SPATS2L: variants seen among roughly 807,000 people sequenced by gnomAD.
SPATS2L encodes the protein spermatogenesis associated serine rich 2 like.
Under a neutral mutation model 59.6 loss-of-function variants are expected in SPATS2L, and 30 were observed. That is an observed-to-expected ratio of 0.50 (90% CI 0.38 to 0.68). SPATS2L has a LOEUF of 0.68. Ranked by LOEUF, SPATS2L falls within the 30% of genes least tolerant of loss-of-function variation. The pLI is 0.00. For synonymous variants in SPATS2L, 252 were observed against 263.5 expected, an observed-to-expected ratio of 0.96 and a Z score of 0.42; for missense variants, 615 against 700.0, an observed-to-expected ratio of 0.88 and a Z score of 1.37.
At chr2:200,378,549 G>A (rs1309614613) in intron 2 of SPATS2L, among the ~76,000 whole-genome samples, 1 of 152,122 alleles carries the variant, frequency 6.6e-6, no homozygotes, top group Non-Finnish European at 1.5e-5. Context: ...TACTGTTTTT[G>A]TTCCGCCAGT....
chr2:200,475,501 C>G (rs2087445500), intron 12 of SPATS2L, among the ~76,000 whole-genome samples: 1 of 152,168 alleles, frequency 6.6e-6, no homozygotes, highest in South Asian at 2.1e-4. Flanking sequence ...AGATAAAAGA[C>G]AGATGGTTGT....
chr2:200,334,970 G>A (rs1263626677), intron 2 of SPATS2L, among the ~76,000 whole-genome samples: 1 of 152,090 alleles, frequency 6.6e-6, no homozygotes, highest in South Asian at 2.1e-4. Flanking sequence ...TTGTTCTTTT[G>A]GCTTAGGATT....
Position 200,480,120 on chromosome 2 carries a change from T to C in SPATS2L, c.*2089T>C, listed in dbSNP as rs2106265909. On this transcript the variant is annotated 3_prime_UTR_variant, in exon 13 of 13. Transcript: ENST00000409140. Reference sequence around the variant, plus strand: ...CCGCTTTAAAGATGAGTCAAGTAATTCTTGGAACAGGGAAAAAAATGAATT... The same window carrying C: ...CCGCTTTAAAGATGAGTCAAGTAATCCTTGGAACAGGGAAAAAAATGAATT... 1 of 170,666 alleles carries C rather than the reference T, an allele frequency of 5.9e-6. No homozygotes were observed. The highest frequency in any genetic ancestry group is 1.5e-4 in the East Asian group (1 of 6,524). The allele number at this position is 170,666 out of a possible 1,614,324, so 10.6% of individuals were successfully genotyped here. A position where few individuals can be genotyped will look rare whatever the true frequency, so the allele number is the denominator to read the frequency against.
intron 2 of SPATS2L, among the ~76,000 whole-genome samples, chr2:200,351,949 T>C: frequency 6.6e-6 from 1 of 152,154 alleles, no homozygotes; most frequent in East Asian, 1.9e-4. Context: ...TGCCTTTTAA[T>C]GGATTCTAAG....
intron 2 of SPATS2L, among the ~76,000 whole-genome samples, chr2:200,344,011 A>C (rs2080421527): frequency 6.6e-6 from 1 of 152,042 alleles, no homozygotes; most frequent in South Asian, 2.1e-4. Flanking sequence ...CTGCTTTCAT[A>C]ATAAGCAGAA....
At chr2:200,450,750 G>C (rs1440882039) in intron 8 of SPATS2L, among the ~76,000 whole-genome samples, 1 of 152,124 alleles carries the variant, frequency 6.6e-6, no homozygotes, top group African/African-American at 2.4e-5. Context: ...CTTCTAGAAA[G>C]ACTGAGGGAT....
In SPATS2L at chr2:200,479,679, T is replaced by A; in HGVS notation, c.*1648T>A. 1 of 398,674 alleles carries A rather than the reference T, an allele frequency of 2.5e-6. No individual in the cohort carries two copies. Among genetic ancestry groups the A allele is most frequent in the African/African-American group, 2.1e-5 (1 of 48,774 alleles). The allele number at this position is 398,674 out of a possible 1,614,324, so 24.7% of individuals were successfully genotyped here. On this transcript the variant is annotated 3_prime_UTR_variant, in exon 13 of 13. Coordinates refer to ENST00000409140, the MANE Select transcript of SPATS2L (RefSeq NM_001100423.2). The stretch of plus-strand genomic sequence containing the variant: ...GCACTCACATGTCCTACATATCTGT[T>A]GACTACTCACAAGTGCAAATGCTTA...
chr2:200,358,819 T>C (rs2081002908), intron 2 of SPATS2L, among the ~76,000 whole-genome samples: 1 of 151,968 alleles, frequency 6.6e-6, no homozygotes, highest in Non-Finnish European at 1.5e-5. Context: ...CCCATCTCTA[T>C]CTAAAAACAA....
upstream of SPATS2L, chr2:200,306,103 G>T (rs923367740): frequency 4.1e-5 from 40 of 986,138 alleles, no homozygotes; most frequent in Non-Finnish European, 4.1e-5. Flanking sequence ...CCCCGGGTTG[G>T]TCGGGTTTCC....
intron 2 of SPATS2L, among the ~76,000 whole-genome samples, chr2:200,349,546 G>A (rs2080646105): frequency 6.6e-6 from 1 of 152,228 alleles, no homozygotes; most frequent in Non-Finnish European, 1.5e-5. Flanking sequence ...TCTGAGGCAT[G>A]AGAATCCCTT....
intron 2 of SPATS2L, among the ~76,000 whole-genome samples, chr2:200,361,422 C>T (rs937790718): frequency 6.6e-5 from 10 of 152,114 alleles, no homozygotes; most frequent in Non-Finnish European, 1.5e-5. Context: ...GGGCAGAATT[C>T]TAATATGACA....
chr2:200,323,644 A>G (rs2079636388), intron 1 of SPATS2L, among the ~76,000 whole-genome samples: 1 of 152,128 alleles, frequency 6.6e-6, no homozygotes, highest in Non-Finnish European at 1.5e-5. Flanking sequence ...GCTCACACCC[A>G]GGGCATATTC....
chr2:200,330,833 A>G (rs1456358613), intron 2 of SPATS2L, among the ~76,000 whole-genome samples: 1 of 152,222 alleles, frequency 6.6e-6, no homozygotes, highest in Non-Finnish European at 1.5e-5. Flanking sequence ...GGTGGAAAGC[A>G]GGAATGTTTT....
In SPATS2L at chr2:200,327,149, A is replaced by G. The variant is rs535283310; in HGVS notation, c.-72-2282A>G. Among the ~76,000 whole-genome samples, 5 of 151,608 alleles carry G rather than the reference A, an allele frequency of 3.3e-5. No homozygotes were observed. The South Asian group carries it at 1.0e-3, about 32-fold the overall frequency. On this transcript the variant is annotated intron_variant, in intron 1 of 12. Coordinates refer to ENST00000409140, the MANE Select transcript of SPATS2L (RefSeq NM_001100423.2). ...CCAGGCGTGGTGGCTTACACCTGTA[A>G]TCCCACCACTTTGGGAGGCCGAGGA...
intron 1 of SPATS2L, among the ~76,000 whole-genome samples, chr2:200,312,479 A>C (rs17531435): frequency 0.094 from 14,297 of 152,336 alleles, 825 homozygotes; most frequent in Non-Finnish European, 0.13. Context: ...ATAGATGGAA[A>C]GTTGCCCCAT....
intron 12 of SPATS2L, among the ~76,000 whole-genome samples, chr2:200,475,531 T>G (rs898305968): frequency 3.3e-5 from 5 of 152,330 alleles, no homozygotes; most frequent in East Asian, 1.9e-4. Flanking sequence ...AGTTTCTGAT[T>G]AGCCTCTCCA....
chr2:200,463,613 C>G (rs2086392457), intron 9 of SPATS2L, among the ~76,000 whole-genome samples: 1 of 152,160 alleles, frequency 6.6e-6, no homozygotes, highest in South Asian at 2.1e-4. Flanking sequence ...AGTTCCTACA[C>G]AGATTTTACA....
At chr2:200,437,569 A>G (rs925835098) in intron 6 of SPATS2L, among the ~76,000 whole-genome samples, 1 of 152,234 alleles carries the variant, frequency 6.6e-6, no homozygotes, top group Admixed American at 6.5e-5. Context: ...ATCACTAAGG[A>G]TAAAATTGCA....
intron 1 of SPATS2L, among the ~76,000 whole-genome samples, chr2:200,319,979 CTTAT>C (rs1325587568): frequency 6.8e-6 from 1 of 148,124 alleles, no homozygotes; most frequent in Non-Finnish European, 1.5e-5. Flanking sequence ...TAGACTCTTA[CTTAT>C]TTATCAATTG....
Sources: gnomAD v4.1 joint callset for allele counts (sites outside exome capture counted in the v4.1 genomes callset) on GRCh38, gnomAD v4.1.1 for gene constraint, MANE v1.5 for transcripts, NCBI Gene and HGNC (gene_info 2026-07-23, HGNC 2026-07-21) for gene names.